The following BPI variants were observed in gnomAD, a reference collection of about 807,000 sequenced individuals.
BPI encodes bactericidal permeability-increasing protein.
BPI carries 48 observed loss-of-function variants against 57.6 expected under a neutral mutation model. The ratio of observed to expected loss-of-function variants is 0.83; its 90% CI spans 0.66 to 1.06. The LOEUF (loss-of-function observed/expected upper bound fraction) is 1.06, where lower values mean the gene tolerates loss of function less well. Ranked by LOEUF, BPI falls within the 50% of genes least tolerant of loss-of-function variation. BPI has a pLI of 0.00. For synonymous variants in BPI, 237 were observed against 238.2 expected (o/e 0.99, Z 0.05); for missense variants, 651 against 609.7 (o/e 1.07, Z -0.71).
intron 11 of BPI, among the ~76,000 whole-genome samples, chr20:38,330,718 T>C (rs1324529003): frequency 1.3e-5 from 2 of 152,206 alleles, no homozygotes; most frequent in Non-Finnish European, 2.9e-5. Context: ...ATTCCCAATA[T>C]TCCCAGCAGA....
Position 38,307,611 on chromosome 20 carries a change from A to T in BPI, c.175A>T (p.Ile59Phe). 6.2e-7 allele frequency: 1 copy of T among 1,612,102 alleles called. No homozygotes were observed. The highest frequency in any genetic ancestry group is 8.5e-7 in the Non-Finnish European group (1 of 1,179,238). The change falls in exon 2 of 15, where the codon ATC (isoleucine) becomes TTC (phenylalanine). Residue 59 changes from isoleucine to phenylalanine, a missense_variant. Transcript: ENST00000642449. ...TAALQKELKR[I>F]KIPDYSDSFK... ...CGCTCTGCAGAAGGAGCTGAAGAGG[A>T]TCAAGATTCCTGACTACTCAGACAG...
At chr20:38,310,685 G>C in intron 4 of BPI, 33 bp downstream of exon 4, 8 of 1,592,324 alleles carry the variant, frequency 5.0e-6, no homozygotes, top group Non-Finnish European at 5.2e-6. Context: ...CTGGGAGGAG[G>C]GACTTAAAGA....
At chr20:38,306,356 C>G (rs1036871383) in intron 1 of BPI, among the ~76,000 whole-genome samples, 1 of 152,168 alleles carries the variant, frequency 6.6e-6, no homozygotes, top group African/African-American at 2.4e-5. Context: ...ATCTTAAGTG[C>G]CTTCAAAGTG....
In BPI at chr20:38,311,955, C is replaced by A. The variant is rs766234399; in HGVS notation, c.600+18C>A. The A allele has an allele frequency of 1.9e-6, 3 of 1,612,472 alleles. No homozygotes were observed. The highest frequency in any genetic ancestry group is 2.7e-5 in the African/African-American group (2 of 74,856). ...ACAGCCAGGTAGGAGGGGCTCAGAG[C>A]CCCATCAGCAAACAGAGGAGAAGGG... On this transcript the variant is annotated intron_variant, in intron 5 of 14. Transcript: ENST00000642449.
chr20:38,326,909 A>T lies in BPI; in HGVS notation c.1161+477A>T, dbSNP rs542047605. Among the ~76,000 whole-genome samples the T allele has an allele frequency of 1.4e-4, 22 of 152,230 alleles. No homozygotes were observed. The South Asian group carries it at 3.7e-3, about 26-fold the overall frequency. Reference sequence around the variant, plus strand: ...TATACCTTTGTTCAATTGATCATTCATTTGTATATTTGTTCATTTATTCGT... The same window carrying T: ...TATACCTTTGTTCAATTGATCATTCTTTTGTATATTTGTTCATTTATTCGT... On this transcript the variant is annotated intron_variant, in intron 10 of 14. Transcript: ENST00000642449.
intron 12 of BPI, among the ~76,000 whole-genome samples, chr20:38,332,114 G>T (rs1188410365): frequency 6.6e-6 from 1 of 152,194 alleles, no homozygotes. Flanking sequence ...CAAGTAGGGG[G>T]CATCGGAAGA....
chr20:38,321,179 G>GGATA (rs2076683227), intron 7 of BPI, among the ~76,000 whole-genome samples: 1 of 136,900 alleles, frequency 7.3e-6, no homozygotes, highest in South Asian at 2.6e-4. Context: ...ATGGATGGAT[G>GGATA]GATGGATACA....
At chr20:38,320,886 G>GATAA (rs2076678632) in intron 7 of BPI, among the ~76,000 whole-genome samples, 1 of 140,822 alleles carries the variant, frequency 7.1e-6, no homozygotes, top group Non-Finnish European at 1.6e-5. Context: ...TAGGTGGATG[G>GATAA]GTGGGTGGGT....
At chr20:38,326,211 A>C (rs1213242245) in intron 9 of BPI, 54 bp from the exon 10 acceptor site, 2 of 1,554,950 alleles carry the variant, frequency 1.3e-6, no homozygotes, top group East Asian at 4.5e-5. Flanking sequence ...AGGATTCAGA[A>C]ACATTTTAAC....
intron 5 of BPI, among the ~76,000 whole-genome samples, chr20:38,315,606 T>C (rs890355617): frequency 3.9e-5 from 6 of 152,176 alleles, no homozygotes; most frequent in African/African-American, 1.4e-4. Context: ...TGTCCTCTGT[T>C]CCTGGGTCCT....
chr20:38,325,030 T>A (rs1322317453), intron 9 of BPI, among the ~76,000 whole-genome samples, 197 bp downstream of exon 9: 1 of 151,674 alleles, frequency 6.6e-6, no homozygotes, highest in Non-Finnish European at 1.5e-5. Context: ...GGTGTGGGAG[T>A]AGATGCTGGC....
chr20:38,318,534 C>T (rs980354563), intron 6 of BPI, 58 bp downstream of exon 6: 30 of 1,572,560 alleles, frequency 1.9e-5, no homozygotes, highest in Admixed American at 3.3e-5. Context: ...GGGGTGAGGA[C>T]GTCAGGGTGG....
At chr20:38,317,753 C>A in intron 5 of BPI, 1 of 1,260,012 alleles carries the variant, frequency 7.9e-7, no homozygotes, top group South Asian at 1.3e-5. Flanking sequence ...TTGCCATGTT[C>A]CGTTTTACAG....
In BPI at chr20:38,306,063, G is replaced by A. The variant is rs561868615; in HGVS notation, c.131-1504G>A. Among the ~76,000 whole-genome samples, 11 of 152,120 alleles carry A rather than the reference G, an allele frequency of 7.2e-5. No individual in the cohort carries two copies. The South Asian group carries it at 1.7e-3, about 23-fold the overall frequency. On this transcript the variant is annotated intron_variant, in intron 1 of 14. Transcript: ENST00000642449. ...TTGTTTTGTTTTGAGACCGAGTCTC[G>A]CTCTGTGGCCCAGGCTGGAGTGCAA...
At chr20:38,318,214 A>T (rs992114980) in intron 5 of BPI, among the ~76,000 whole-genome samples, 199 bp from the exon 6 acceptor site, 3 of 152,160 alleles carry the variant, frequency 2.0e-5, no homozygotes, top group Non-Finnish European at 4.4e-5. Context: ...TGGGCCATAC[A>T]GTCATATACA....
At chr20:38,336,103 G>A (rs1420428073) in intron 14 of BPI, among the ~76,000 whole-genome samples, 1 of 152,186 alleles carries the variant, frequency 6.6e-6, no homozygotes, top group Non-Finnish European at 1.5e-5. Context: ...CTCCTTCGTG[G>A]CTTTCGCCCA....
intron 1 of BPI, among the ~76,000 whole-genome samples, chr20:38,306,864 C>T (rs11086539): frequency 2.0e-5 from 3 of 151,930 alleles, no homozygotes; most frequent in Non-Finnish European, 4.4e-5. Context: ...ACAAAAATGG[C>T]CTTAATGTCT....
intron 12 of BPI, among the ~76,000 whole-genome samples, chr20:38,332,081 G>A (rs996987348): frequency 6.6e-6 from 1 of 152,156 alleles, no homozygotes; most frequent in African/African-American, 2.4e-5. Context: ...GGAATGAAGG[G>A]AGCCTGTGTG....
chr20:38,328,615 T>C (rs757101820), intron 11 of BPI, among the ~76,000 whole-genome samples: 2 of 152,044 alleles, frequency 1.3e-5, no homozygotes, highest in Admixed American at 6.6e-5. Flanking sequence ...AAATGAGGTA[T>C]TAATATGTGT....
Sources: allele counts gnomAD v4.1 joint callset (sites outside exome capture counted in the v4.1 genomes callset), GRCh38; gene constraint gnomAD v4.1.1; transcripts MANE v1.5; gene names NCBI Gene and HGNC (gene_info 2026-07-23, HGNC 2026-07-21).